Variants in GBE1 observed in about 807,000 individuals in gnomAD.
GBE1 encodes 1,4-alpha-glucan branching enzyme 1, also known as 1,4-alpha-glucan-branching enzyme.
Under a neutral mutation model 88.8 loss-of-function variants are expected in GBE1, and 70 were observed. The observed-to-expected ratio is 0.79, with a 90% CI of 0.65 to 0.96. The LOEUF is 0.96. GBE1 is among the 40% of genes least tolerant of loss of function. The pLI is 0.00. For synonymous variants in GBE1, 284 were observed against 300.1 expected (o/e 0.95, Z 0.56); for missense variants, 872 against 871.0 (o/e 1.00, Z -0.01).
At chr3:81,754,289 T>G (rs1706573193) in intron 1 of GBE1, among the ~76,000 whole-genome samples, 1 of 151,648 alleles carries the variant, frequency 6.6e-6, no homozygotes, top group Non-Finnish European at 1.5e-5. Context: ...ACAATAAAAC[T>G]CTGATGAAAG....
chr3:81,660,915 A>T (rs1705019454), intron 3 of GBE1, among the ~76,000 whole-genome samples: 1 of 152,240 alleles, frequency 6.6e-6, no homozygotes, highest in Non-Finnish European at 1.5e-5. Flanking sequence ...ACCTTTATTC[A>T]TCATTATTTG....
chr3:81,522,912 G>A (rs541423939), intron 14 of GBE1, among the ~76,000 whole-genome samples: 10 of 151,506 alleles, frequency 6.6e-5, no homozygotes, highest in African/African-American at 2.2e-4. Context: ...CTTATAACTA[G>A]TATAGCTTCC....
At chr3:81,569,873 G>A (rs377208838) in intron 12 of GBE1, among the ~76,000 whole-genome samples, 4 of 152,004 alleles carry the variant, frequency 2.6e-5, no homozygotes, top group African/African-American at 9.7e-5. Flanking sequence ...GGAGTGTAAT[G>A]GTGTGATCTT....
At chr3:81,553,505 A>G (rs1391457870) in intron 12 of GBE1, among the ~76,000 whole-genome samples, 1 of 152,018 alleles carries the variant, frequency 6.6e-6, no homozygotes, top group African/African-American at 2.4e-5. Flanking sequence ...GATTTATTAA[A>G]TAAATGTTGA....
chr3:81,572,295 A>C (rs1703586616), intron 12 of GBE1, among the ~76,000 whole-genome samples: 2 of 152,294 alleles, frequency 1.3e-5, no homozygotes, highest in Non-Finnish European at 2.9e-5. Flanking sequence ...TCTTTACAGC[A>C]GTATGAAAAT....
intron 3 of GBE1, among the ~76,000 whole-genome samples, chr3:81,656,811 C>T (rs1218396064): frequency 6.6e-6 from 1 of 152,056 alleles, no homozygotes; most frequent in Non-Finnish European, 1.5e-5. Context: ...AAAGCAAACT[C>T]CTTCAAAATA....
At chr3:81,642,625 C>G (rs1704701319) in intron 7 of GBE1, 156 bp downstream of exon 7, 2 of 594,528 alleles carry the variant, frequency 3.4e-6, no homozygotes, top group Non-Finnish European at 5.9e-6. Context: ...ATGTGCTATA[C>G]AAAACAAGGT....
chr3:81,745,094 G>T (rs1441391785), intron 1 of GBE1, among the ~76,000 whole-genome samples: 2 of 152,028 alleles, frequency 1.3e-5, no homozygotes, highest in Non-Finnish European at 2.9e-5. Flanking sequence ...ACTCATATTT[G>T]TTCTGCTATC....
At chr3:81,569,423 T>C (rs574980087) in intron 12 of GBE1, among the ~76,000 whole-genome samples, 42 of 152,234 alleles carry the variant, frequency 2.8e-4, no homozygotes, top group Non-Finnish European at 4.0e-4. Context: ...TGTTCTGCCA[T>C]TTACATGATA....
At chr3:81,641,016 C>T (rs1247327990) in intron 7 of GBE1, among the ~76,000 whole-genome samples, 1 of 151,982 alleles carries the variant, frequency 6.6e-6, no homozygotes, top group Non-Finnish European at 1.5e-5. Context: ...TGTATGATCC[C>T]TTTTGTTTAG....
chr3:81,721,688 T>C (rs1575765889), intron 1 of GBE1, among the ~76,000 whole-genome samples: 1 of 152,214 alleles, frequency 6.6e-6, no homozygotes, highest in Admixed American at 6.5e-5. Flanking sequence ...TTTAAAATTA[T>C]GTCCTCAGCA....
intron 7 of GBE1, among the ~76,000 whole-genome samples, chr3:81,605,134 T>G (rs185937014): frequency 1.3e-3 from 201 of 152,222 alleles, no homozygotes; most frequent in African/African-American, 4.6e-3. Context: ...TCTCTGGTGA[T>G]GACAACAAAA....
At chr3:81,513,069 A>C (rs1702746953) in intron 14 of GBE1, among the ~76,000 whole-genome samples, 1 of 151,682 alleles carries the variant, frequency 6.6e-6, no homozygotes, top group African/African-American at 2.4e-5. Flanking sequence ...AACATCACAA[A>C]ATTGCCCACT....
At chr3:81,514,787 A>G (rs775534679) in intron 14 of GBE1, among the ~76,000 whole-genome samples, 11 of 151,666 alleles carry the variant, frequency 7.3e-5, no homozygotes, top group Non-Finnish European at 1.6e-4. Context: ...ATCCTGTGAG[A>G]TTCTGATTAA....
At chr3:81,738,843 T>C (rs1369833923) in intron 1 of GBE1, among the ~76,000 whole-genome samples, 9 of 152,188 alleles carry the variant, frequency 5.9e-5, no homozygotes, top group Non-Finnish European at 1.5e-5. Flanking sequence ...GAAAGTTAAA[T>C]TACCCATAGT....
chr3:81,499,260 G>A (rs1702555044), intron 14 of GBE1, 33 bp from the exon 15 acceptor site: 2 of 1,226,602 alleles, frequency 1.6e-6, no homozygotes, highest in African/African-American at 1.5e-5. Flanking sequence ...AACAGTTGAG[G>A]AGTTGAATGA....
chr3:81,734,422 C>T (rs1470517484), intron 1 of GBE1, among the ~76,000 whole-genome samples: 1 of 152,108 alleles, frequency 6.6e-6, no homozygotes, highest in African/African-American at 2.4e-5. Flanking sequence ...GGGAAAAAAA[C>T]CTATAGACTC....
chr3:81,622,564 C>T (rs763692705), intron 7 of GBE1, among the ~76,000 whole-genome samples: 1 of 152,182 alleles, frequency 6.6e-6, no homozygotes, highest in Non-Finnish European at 1.5e-5. Context: ...CCAGTCCGAA[C>T]CTCCCCACTA....
In GBE1 at chr3:81,548,756, G is replaced by A. The variant is rs904249954; in HGVS notation, c.1619-11661C>T. On this transcript the variant is annotated intron_variant, in intron 12 of 15. Coordinates refer to ENST00000429644, the MANE Select transcript of GBE1 (RefSeq NM_000158.4). ...CTTTGGAATAGAGAAAAAACATTAA[G>A]GACTCTCATGGAGAGCTGAAATGTT... Among the ~76,000 whole-genome samples the A allele has an allele frequency of 4.9e-4, 74 of 150,732 alleles. 4 individuals carry two copies. Among genetic ancestry groups the A allele is most frequent in the Non-Finnish European group, 4.0e-4 (27 of 67,386 alleles).
Sources: gnomAD v4.1 joint callset for allele counts (sites outside exome capture counted in the v4.1 genomes callset) on GRCh38, gnomAD v4.1.1 for gene constraint, MANE v1.5 for transcripts, NCBI Gene and HGNC (gene_info 2026-07-23, HGNC 2026-07-21) for gene names.